Variants in MYCT1 observed in about 807,000 individuals in gnomAD.
MYCT1 encodes MYC target 1, also known as myc target protein 1.
In MYCT1, 12 loss-of-function variants were observed where a neutral mutation model predicts 15.0. The ratio of observed to expected loss-of-function variants is 0.80; its 90% CI spans 0.51 to 1.29. MYCT1 has a LOEUF of 1.29. Among genes scored for constraint, MYCT1 ranks in the 50% most tolerant of loss-of-function variants. The pLI is 0.00. For missense variants in MYCT1, 287 were observed against 279.1 expected (o/e 1.03, Z -0.20); for synonymous variants, 104 against 102.7 (o/e 1.01, Z -0.07).
At chr6:152,714,150 TTCTC>T (rs1019266626) in intron 1 of MYCT1, among the ~76,000 whole-genome samples, 3 of 151,994 alleles carry the variant, frequency 2.0e-5, no homozygotes, top group African/African-American at 4.8e-5. Context: ...GATTTTCTCT[TTCTC>T]TCTGTCTCTT....
chr6:152,727,538 T>TTGAAGCCA (rs1203921401), downstream of MYCT1, among the ~76,000 whole-genome samples: 1 of 152,130 alleles, frequency 6.6e-6, no homozygotes, highest in Non-Finnish European at 1.5e-5. Flanking sequence ...GTTCTGAGAG[T>TTGAAGCCA]TGAAGCCATG....
At chr6:152,721,049 A>G (rs2099724605) in intron 1 of MYCT1, among the ~76,000 whole-genome samples, 1 of 152,204 alleles carries the variant, frequency 6.6e-6, no homozygotes, top group South Asian at 2.1e-4. Context: ...GGTGACAGGA[A>G]TTTCATCATC....
intron 1 of MYCT1, among the ~76,000 whole-genome samples, chr6:152,715,913 G>A (rs1015068726): frequency 3.3e-5 from 5 of 152,214 alleles, no homozygotes; most frequent in Non-Finnish European, 7.3e-5. Context: ...AGCCTATCAA[G>A]TAGGGACTTT....
chr6:152,716,852 T>C (rs759725338), intron 1 of MYCT1, among the ~76,000 whole-genome samples: 4 of 152,218 alleles, frequency 2.6e-5, no homozygotes, highest in Non-Finnish European at 5.9e-5. Flanking sequence ...AAAGTAATCA[T>C]TTGGTCTCAT....
Position 152,723,641 on chromosome 6 carries a change from G to T in MYCT1, c.*1388G>T, listed in dbSNP as rs1258338224. ...TACAGTGATTAAGCCATGCCAGATG[G>T]TCTTTGGTGCACACAGTTATTTAAG... On this transcript the variant is annotated 3_prime_UTR_variant, in exon 2 of 2. Transcript: ENST00000367245. The T allele has an allele frequency of 3.3e-5, 5 of 152,180 alleles. No individual in the cohort carries two copies. Among genetic ancestry groups the T allele is most frequent in the Non-Finnish European group, 7.3e-5 (5 of 68,054 alleles). The allele number at this position is 152,180 out of a possible 1,614,324, so 9.4% of individuals were successfully genotyped here.
chr6:152,721,701 T>G, intron 1 of MYCT1, 41 bp from the exon 2 acceptor site: 1 of 1,566,290 alleles, frequency 6.4e-7, no homozygotes, highest in Non-Finnish European at 8.7e-7. Flanking sequence ...GTTGAAAACC[T>G]ATTTAAAAAT....
chr6:152,708,806 T>A (rs1173067260), intron 1 of MYCT1, among the ~76,000 whole-genome samples: 5 of 152,052 alleles, frequency 3.3e-5, no homozygotes, highest in Admixed American at 3.3e-4. Context: ...TTAGTGTAGG[T>A]GTGCTGGTGA....
At chr6:152,701,239 G>A (rs377095010) in intron 1 of MYCT1, among the ~76,000 whole-genome samples, 3 of 152,070 alleles carry the variant, frequency 2.0e-5, no homozygotes, top group Non-Finnish European at 4.4e-5. Context: ...AGAAGCGTTC[G>A]CTGACCATAT....
At chr6:152,727,090 A>G (rs1405588486), downstream of MYCT1, among the ~76,000 whole-genome samples, 2 of 151,916 alleles carry the variant, frequency 1.3e-5, no homozygotes, top group Non-Finnish European at 2.9e-5. Flanking sequence ...GGGCGCCTGT[A>G]GTCCCAGCTA....
intron 1 of MYCT1, among the ~76,000 whole-genome samples, chr6:152,715,916 G>C (rs961848555): frequency 8.5e-5 from 13 of 152,168 alleles, no homozygotes; most frequent in African/African-American, 2.7e-4. Flanking sequence ...CTATCAAGTA[G>C]GGACTTTTAG....
At chr6:152,731,221 G>GAA in the MYCT1 span, among the ~76,000 whole-genome samples, 47 of 151,444 alleles carry the variant, frequency 3.1e-4, no homozygotes, top group South Asian at 9.0e-3. Context: ...TACCTAGCGT[G>GAA]AAAAAAAAGT....
At chr6:152,724,648 A>T (rs768537511), downstream of MYCT1, 3 of 152,166 alleles carry the variant, frequency 2.0e-5, no homozygotes, top group Non-Finnish European at 4.4e-5. Flanking sequence ...TAAAATTCAG[A>T]TTAAATCAGG....
chr6:152,746,432 G>A, the MYCT1 span, among the ~76,000 whole-genome samples: 1 of 152,176 alleles, frequency 6.6e-6, no homozygotes, highest in African/African-American at 2.4e-5. Context: ...GATGGCAGAA[G>A]ATTTCATCAT....
At chr6:152,731,025 A>G in the MYCT1 span, among the ~76,000 whole-genome samples, 2 of 152,346 alleles carry the variant, frequency 1.3e-5, no homozygotes, top group Admixed American at 6.5e-5. Flanking sequence ...AATTTAAAGC[A>G]TAAGATATCA....
rs779371582 is a variant in MYCT1 at position 152,721,765 on chromosome 6, G to A, written c.220G>A (p.Val74Ile). ...FWEDLIMSFT[V>I]SMAIGLVLGG... ...AGAGGACCTTATCATGTCCTTCACT[G>A]TATCCATGGCAATCGGGCTGGTACT... The change falls in exon 2 of 2, where the codon GTA becomes ATA. Residue 74 changes from valine to isoleucine, a missense_variant. Transcript: ENST00000367245. 1.7e-5 allele frequency: 27 copies of A among 1,613,756 alleles called. No homozygotes were observed. The African/African-American group carries it at 3.2e-4, about 19-fold the overall frequency.
intron 1 of MYCT1, among the ~76,000 whole-genome samples, chr6:152,701,062 C>CAAT (rs1167044587): frequency 2.0e-5 from 3 of 152,002 alleles, no homozygotes; most frequent in Non-Finnish European, 4.4e-5. Context: ...TGAGTTAAAA[C>CAAT]AATATATGGC....
chr6:152,737,660 A>C, the MYCT1 span, among the ~76,000 whole-genome samples: 1 of 152,144 alleles, frequency 6.6e-6, no homozygotes, highest in African/African-American at 2.4e-5. Flanking sequence ...TCAAAATGCT[A>C]TTAAGTCATA....
At chr6:152,704,363 T>A (rs192144670) in intron 1 of MYCT1, among the ~76,000 whole-genome samples, 2 of 152,202 alleles carry the variant, frequency 1.3e-5, no homozygotes, top group African/African-American at 4.8e-5. Flanking sequence ...CATGTAAGTG[T>A]AAGGCTATTG....
chr6:152,702,695 C>T (rs2099721532), intron 1 of MYCT1, among the ~76,000 whole-genome samples: 1 of 152,170 alleles, frequency 6.6e-6, no homozygotes, highest in South Asian at 2.1e-4. Context: ...CCAAGAATTT[C>T]CACTATATCT....
Sources: gnomAD v4.1 joint callset for allele counts (sites outside exome capture counted in the v4.1 genomes callset) on GRCh38, gnomAD v4.1.1 for gene constraint, MANE v1.5 for transcripts, NCBI Gene and HGNC (gene_info 2026-07-23, HGNC 2026-07-21) for gene names.